Variants in MTDH observed in about 807,000 individuals in gnomAD.
The protein encoded by MTDH is protein LYRIC.
A neutral mutation model predicts 72.7 loss-of-function variants in MTDH; 34 were observed. The observed-to-expected ratio is 0.47, with a 90% CI of 0.36 to 0.62. The LOEUF is 0.62. Among genes scored for constraint, MTDH ranks in the 20% least tolerant of loss-of-function variants. The pLI is 0.00. For missense variants in MTDH, 677 were observed against 699.4 expected (o/e 0.97, Z 0.36); for synonymous variants, 266 against 268.9 (o/e 0.99, Z 0.10).
chr8:97,724,829 A>C lies in MTDH; in HGVS notation c.*159A>C. On this transcript the variant is annotated 3_prime_UTR_variant, in exon 12 of 12. Coordinates refer to ENST00000336273, the MANE Select transcript of MTDH (RefSeq NM_178812.4). ...CCACCATAAAAATGGAATCAAAAGA[A>C]AGTTAATTTATGAAATTAAGAGGTC... 2 of 524,500 alleles carry C rather than the reference A, an allele frequency of 3.8e-6. No individual in the cohort carries two copies. Among genetic ancestry groups the C allele is most frequent in the Non-Finnish European group, 6.5e-6 (2 of 306,918 alleles). 32.5% of individuals were successfully genotyped at this position (524,500 alleles called of 1,614,324 possible). A position where few individuals can be genotyped will look rare whatever the true frequency, so the allele number is the denominator to read the frequency against.
At chr8:97,677,177 T>C (rs1812885714) in intron 2 of MTDH, among the ~76,000 whole-genome samples, 1 of 47,476 alleles carries the variant, frequency 2.1e-5, no homozygotes, top group East Asian at 1.1e-3. Flanking sequence ...TAAAAGCCTG[T>C]CTCAAAAAAA....
intron 9 of MTDH, among the ~76,000 whole-genome samples, chr8:97,718,187 C>T (rs766932663): frequency 4.6e-5 from 7 of 151,822 alleles, no homozygotes; most frequent in South Asian, 2.1e-4. Flanking sequence ...GGATTACAGG[C>T]GTGCGCCACC....
At chr8:97,704,757 C>T (rs1814279334) in intron 7 of MTDH, among the ~76,000 whole-genome samples, 1 of 151,706 alleles carries the variant, frequency 6.6e-6, no homozygotes, top group Non-Finnish European at 1.5e-5. Flanking sequence ...ATATATTCTT[C>T]CAAAACCTAG....
At position 97,724,722 on chromosome 8, in the gene MTDH, T is replaced by C; in HGVS notation, c.*52T>C. On this transcript the variant is annotated 3_prime_UTR_variant, in exon 12 of 12. Coordinates refer to ENST00000336273, the MANE Select transcript of MTDH (RefSeq NM_178812.4). ...GTTTGCAAACACTTGTCTTGAAGAT[T>C]ATGCTGTTTATGCAATAATTTGTGA... 1 of 1,330,420 alleles carries C rather than the reference T, an allele frequency of 7.5e-7. No individual in the cohort carries two copies. Among genetic ancestry groups the C allele is most frequent in the Non-Finnish European group, 1.0e-6 (1 of 963,082 alleles). The allele number at this position is 1,330,420 out of a possible 1,614,324, so 82.4% of individuals were successfully genotyped here.
At chr8:97,712,045 T>C (rs1231155055) in intron 8 of MTDH, among the ~76,000 whole-genome samples, 7 of 152,220 alleles carry the variant, frequency 4.6e-5, no homozygotes, top group Non-Finnish European at 1.0e-4. Flanking sequence ...TTCTTGTTTG[T>C]TCATTTGATT....
chr8:97,667,287 C>T (rs1306295315), intron 2 of MTDH, among the ~76,000 whole-genome samples: 1 of 152,140 alleles, frequency 6.6e-6, no homozygotes, highest in Non-Finnish European at 1.5e-5. Flanking sequence ...TTTTTTACTG[C>T]CATCTACTCA....
intron 1 of MTDH, among the ~76,000 whole-genome samples, chr8:97,646,886 A>G (rs1384926501): frequency 6.6e-6 from 1 of 152,224 alleles, no homozygotes; most frequent in African/African-American, 2.4e-5. Context: ...AACATTTACA[A>G]AATTGTGACT....
chr8:97,653,282 C>G (rs1811844982), intron 1 of MTDH, among the ~76,000 whole-genome samples: 1 of 152,112 alleles, frequency 6.6e-6, no homozygotes, highest in African/African-American at 2.4e-5. Context: ...AAAACAATAT[C>G]CTAATTTCTA....
Position 97,644,497 on chromosome 8 carries a change from G to C in MTDH, c.-10G>C, listed in dbSNP as rs373481119. 994 of 1,566,674 alleles carry C rather than the reference G, an allele frequency of 6.3e-4. 3 individuals are homozygous for C. Among genetic ancestry groups the C allele is most frequent in the South Asian group, 1.4e-3 (120 of 86,450 alleles). On this transcript the variant is annotated 5_prime_UTR_variant, in exon 1 of 12. Transcript: ENST00000336273. ...GCGTCATCCTGCGAGTCCCTCTGAC[G>C]GGAGGGAAGATGGCTGCACGGAGCT...
chr8:97,678,085 T>G lies in MTDH; in HGVS notation c.484-8583T>G, dbSNP rs1274249426. On this transcript the variant is annotated intron_variant, in intron 2 of 11. Transcript: ENST00000336273. ...AAATTTCCCAGCCTGGTAGGGATAATGTACAGATGTTTCTAACATTAAAGC... is the reference window on the plus strand; with the variant it reads ...AAATTTCCCAGCCTGGTAGGGATAAGGTACAGATGTTTCTAACATTAAAGC... Among the ~76,000 whole-genome samples the G allele has an allele frequency of 2.3e-4, 35 of 152,244 alleles. 1 individual carries two copies. Among genetic ancestry groups the G allele is most frequent in the Admixed American group, 2.3e-3 (35 of 15,284 alleles).
intron 2 of MTDH, among the ~76,000 whole-genome samples, chr8:97,664,762 CT>C (rs1056208049): frequency 2.7e-5 from 4 of 149,886 alleles, no homozygotes; most frequent in Non-Finnish European, 5.9e-5. Context: ...TCTTTCCTTT[CT>C]TTTTTTTCTT....
chr8:97,662,858 TGAA>T (rs1812227918), intron 2 of MTDH, among the ~76,000 whole-genome samples: 2 of 151,160 alleles, frequency 1.3e-5, no homozygotes, highest in Admixed American at 6.6e-5. Flanking sequence ...AAAATGTCTT[TGAA>T]GAAGTGGCTA....
chr8:97,696,412 A>G (rs1405659834), intron 6 of MTDH: 1 of 377,662 alleles, frequency 2.6e-6, no homozygotes, highest in African/African-American at 2.2e-5. Flanking sequence ...CAGGTATTAT[A>G]AAGTGGCAGA....
intron 1 of MTDH, among the ~76,000 whole-genome samples, chr8:97,647,762 C>G (rs55736490): frequency 0.016 from 2,456 of 152,176 alleles, 27 homozygotes; most frequent in Non-Finnish European, 0.026. Flanking sequence ...TGGCTACTTG[C>G]AATGAGTCAC....
At chr8:97,703,422 T>C (rs1206093544) in intron 7 of MTDH, among the ~76,000 whole-genome samples, 1 of 152,238 alleles carries the variant, frequency 6.6e-6, no homozygotes, top group Non-Finnish European at 1.5e-5. Flanking sequence ...CTACCACATG[T>C]ATTAAGAAAA....
intron 2 of MTDH, among the ~76,000 whole-genome samples, chr8:97,675,478 T>G (rs1408699537): frequency 1.3e-5 from 2 of 150,894 alleles, no homozygotes; most frequent in Non-Finnish European, 2.9e-5. Flanking sequence ...CAAGATTGCT[T>G]GAACCCAGGA....
intron 1 of MTDH, among the ~76,000 whole-genome samples, chr8:97,660,162 A>G (rs1233872560): frequency 6.6e-6 from 1 of 152,202 alleles, no homozygotes; most frequent in Non-Finnish European, 1.5e-5. Flanking sequence ...TCCGTCTCAA[A>G]AAAAAGGTAA....
chr8:97,724,337 A>G (rs1815273685), intron 11 of MTDH, among the ~76,000 whole-genome samples: 1 of 152,142 alleles, frequency 6.6e-6, no homozygotes, highest in African/African-American at 2.4e-5. Context: ...AGGTTGAGCC[A>G]TATTAAATAA....
intron 6 of MTDH, among the ~76,000 whole-genome samples, chr8:97,699,160 T>C (rs1036187442): frequency 2.0e-5 from 3 of 152,104 alleles, no homozygotes; most frequent in African/African-American, 7.2e-5. Context: ...TGGTAATGTG[T>C]GCCTGTAGTC....
Sources: gnomAD v4.1 joint callset for allele counts (sites outside exome capture counted in the v4.1 genomes callset) on GRCh38, gnomAD v4.1.1 for gene constraint, MANE v1.5 for transcripts, NCBI Gene and HGNC (gene_info 2026-07-23, HGNC 2026-07-21) for gene names.